The following ANK1 variants were observed in gnomAD, a reference collection of about 807,000 sequenced individuals.
ANK1 encodes the protein ankyrin 1, also known as ankyrin-1.
Under a neutral mutation model 210.4 loss-of-function variants are expected in ANK1, and 51 were observed. The ratio of observed to expected loss-of-function variants is 0.24; its 90% CI spans 0.19 to 0.31. ANK1 has a LOEUF of 0.31. Ranked by LOEUF, ANK1 falls within the 10% of genes least tolerant of loss-of-function variation. ANK1 has a pLI of 1.00. For missense variants in ANK1, 2,051 were observed against 2,504.4 expected, an observed-to-expected ratio of 0.82 and a Z score of 3.86; for synonymous variants, 967 against 1,025.9, an observed-to-expected ratio of 0.94 and a Z score of 1.10.
At chr8:41,714,023 G>A (rs749997989) in intron 16 of ANK1, 133 bp downstream of exon 16, 21 of 559,622 alleles carry the variant, frequency 3.8e-5, no homozygotes, top group Non-Finnish European at 4.1e-5. Flanking sequence ...AAAGTGAGGC[G>A]TGATTTCTGA....
chr8:41,670,003 G>T (rs1049154998), intron 38 of ANK1, among the ~76,000 whole-genome samples: 1 of 152,000 alleles, frequency 6.6e-6, no homozygotes, highest in African/African-American at 2.4e-5. Context: ...CTCTCAGCTG[G>T]CACTCATGCA....
intron 35 of ANK1, among the ~76,000 whole-genome samples, chr8:41,686,894 G>A (rs1817822638): frequency 1.3e-5 from 2 of 152,218 alleles, no homozygotes; most frequent in Admixed American, 6.5e-5. Context: ...TAGCATTAGA[G>A]TCTAATTTCA....
At chr8:41,658,797 G>A (rs942644007) in intron 42 of ANK1, among the ~76,000 whole-genome samples, 4 of 152,168 alleles carry the variant, frequency 2.6e-5, no homozygotes, top group Non-Finnish European at 5.9e-5. Context: ...GGAGGCTGAG[G>A]CAGGAAGATC....
chr8:41,818,366 C>T (rs56223811), intron 1 of ANK1, among the ~76,000 whole-genome samples: 3 of 152,270 alleles, frequency 2.0e-5, no homozygotes, highest in Non-Finnish European at 4.4e-5. Context: ...CAAATTTAAA[C>T]AATTTTAACT....
intron 14 of ANK1, 139 bp downstream of exon 14, chr8:41,715,512 GC>G: frequency 8.9e-7 from 1 of 1,124,892 alleles, no homozygotes; most frequent in African/African-American, 1.5e-5. Context: ...GTGGTGGCCA[GC>G]CCTGAGTGTG....
At chr8:41,780,080 G>A (rs1844957374) in intron 1 of ANK1, among the ~76,000 whole-genome samples, 1 of 152,204 alleles carries the variant, frequency 6.6e-6, no homozygotes, top group East Asian at 1.9e-4. Flanking sequence ...TGCCTACCCT[G>A]TGCTGAGGCC....
At chr8:41,784,205 G>A (rs985744710) in intron 1 of ANK1, among the ~76,000 whole-genome samples, 2 of 152,016 alleles carry the variant, frequency 1.3e-5, no homozygotes, top group Admixed American at 1.3e-4. Flanking sequence ...CACTCTGACC[G>A]AGCTTTGAAC....
intron 37 of ANK1, among the ~76,000 whole-genome samples, chr8:41,679,184 T>G (rs1032566256): frequency 6.6e-6 from 1 of 152,248 alleles, no homozygotes; most frequent in African/African-American, 2.4e-5. Flanking sequence ...CCTCTTTGTG[T>G]GTCTGATTAC....
intron 2 of ANK1, among the ~76,000 whole-genome samples, chr8:41,742,680 G>C (rs1416464210): frequency 6.6e-6 from 1 of 152,208 alleles, no homozygotes; most frequent in Non-Finnish European, 1.5e-5. Flanking sequence ...AGAGGCAAGG[G>C]AGCACTGGCC....
chr8:41,693,711 C>CA (rs1819966482), intron 29 of ANK1, among the ~76,000 whole-genome samples, 187 bp downstream of exon 29: 1 of 152,142 alleles, frequency 6.6e-6, no homozygotes, highest in Non-Finnish European at 1.5e-5. Flanking sequence ...AGGCGTGAGT[C>CA]ACCACATGGG....
intron 2 of ANK1, among the ~76,000 whole-genome samples, chr8:41,754,577 T>C (rs1038027607): frequency 6.6e-6 from 1 of 152,236 alleles, no homozygotes; most frequent in African/African-American, 2.4e-5. Context: ...CCACAGTCCA[T>C]CAGCTCAGAA....
intron 1 of ANK1, among the ~76,000 whole-genome samples, chr8:41,841,363 T>C (rs11778595): frequency 2.0e-5 from 3 of 152,026 alleles, no homozygotes; most frequent in African/African-American, 4.8e-5. Flanking sequence ...ACTAGAATGG[T>C]GGTTGCCAGG....
chr8:41,773,299 CTTT>C (rs1843322572), intron 1 of ANK1, among the ~76,000 whole-genome samples: 1 of 152,088 alleles, frequency 6.6e-6, no homozygotes, highest in Admixed American at 6.5e-5. Context: ...CCATCATGTT[CTTT>C]TTAAGAGGGT....
At chr8:41,727,448 T>C in intron 4 of ANK1, 100 bp from the exon 5 acceptor site, 3 of 846,346 alleles carry the variant, frequency 3.5e-6, no homozygotes, top group Non-Finnish European at 5.9e-6. Flanking sequence ...GCTCTCTTCA[T>C]TCCATTTCCT....
intron 1 of ANK1, among the ~76,000 whole-genome samples, chr8:41,835,281 G>A (rs1352609190): frequency 1.3e-5 from 2 of 152,102 alleles, no homozygotes; most frequent in Admixed American, 1.3e-4. Context: ...GGTGAAACCC[G>A]TTTCTACTAA....
chr8:41,820,361 G>C (rs372619741), intron 1 of ANK1, among the ~76,000 whole-genome samples: 1 of 58,902 alleles, frequency 1.7e-5, no homozygotes. Flanking sequence ...GTGTGTGTGT[G>C]TGTGTGTGTG....
At chr8:41,766,576 C>A (rs1472806875) in intron 1 of ANK1, among the ~76,000 whole-genome samples, 3 of 152,208 alleles carry the variant, frequency 2.0e-5, no homozygotes, top group Non-Finnish European at 4.4e-5. Context: ...ATTGGGAAAA[C>A]CCCTGGGGTT....
At chr8:41,727,821 G>A (rs968959996) in intron 4 of ANK1, 87 bp downstream of exon 4, 275 of 1,244,754 alleles carry the variant, frequency 2.2e-4, no homozygotes, top group Non-Finnish European at 3.0e-4. Context: ...GTGTTAACAC[G>A]GCTGCCAATG....
intron 14 of ANK1, among the ~76,000 whole-genome samples, chr8:41,715,359 C>T (rs1471535317): frequency 6.6e-6 from 1 of 152,230 alleles, no homozygotes; most frequent in African/African-American, 2.4e-5. Flanking sequence ...CTTTTCATAT[C>T]CCCAGAACCT....
Sources: gnomAD v4.1 joint callset for allele counts (sites outside exome capture counted in the v4.1 genomes callset) on GRCh38, gnomAD v4.1.1 for gene constraint, MANE v1.5 for transcripts, NCBI Gene and HGNC (gene_info 2026-07-23, HGNC 2026-07-21) for gene names.